Variants in SLIT2 observed in about 807,000 individuals in gnomAD.
SLIT2 encodes the protein slit homolog 2 protein.
A neutral mutation model predicts 185.7 loss-of-function variants in SLIT2; 41 were observed. That is an observed-to-expected ratio of 0.22 (90% CI 0.17 to 0.29). The LOEUF (loss-of-function observed/expected upper bound fraction) is 0.29. SLIT2 is among the 10% of genes least tolerant of loss of function. The probability of loss-of-function intolerance (pLI) is 1.00; values close to 1 mark genes in which losing one functional copy is unlikely to be tolerated. For synonymous variants in SLIT2, 693 were observed against 680.2 expected (o/e 1.02, Z -0.29); for missense variants, 1,571 against 1,909.0 (o/e 0.82, Z 3.30).
rs79679267 is a variant in SLIT2, at chr4:20,293,810, G to C, written c.395+24929G>C. On this transcript the variant is annotated intron_variant, in intron 4 of 36. Coordinates refer to ENST00000504154, the MANE Select transcript of SLIT2 (RefSeq NM_004787.4). ...TATGTGACTTGCCCAAGATTGCCTG[G>C]CCCGTGGAGAGAGAGCCTTCACTGT... Among the ~76,000 whole-genome samples, 27 of 152,274 alleles carry C rather than the reference G, an allele frequency of 1.8e-4. No individual in the cohort carries two copies. The East Asian group carries it at 3.3e-3, about 19-fold the overall frequency.
chr4:20,524,745 G>A (rs1305113028), intron 14 of SLIT2, among the ~76,000 whole-genome samples: 2 of 152,076 alleles, frequency 1.3e-5, no homozygotes, highest in Non-Finnish European at 2.9e-5. Flanking sequence ...TGGGAATATT[G>A]CATTTATTTG....
intron 25 of SLIT2, among the ~76,000 whole-genome samples, chr4:20,553,106 C>T (rs1225367765): frequency 6.6e-6 from 1 of 152,172 alleles, no homozygotes. Context: ...AGTGCAGGTC[C>T]AGCTCAGCTC....
intron 26 of SLIT2, among the ~76,000 whole-genome samples, chr4:20,564,127 C>T (rs1724907146): frequency 6.6e-6 from 1 of 151,714 alleles, no homozygotes; most frequent in African/African-American, 2.4e-5. Context: ...ATATTATCTC[C>T]TTATTGTATA....
chr4:20,327,440 G>A (rs1719687493), intron 4 of SLIT2, among the ~76,000 whole-genome samples: 1 of 151,906 alleles, frequency 6.6e-6, no homozygotes, highest in South Asian at 2.1e-4. Flanking sequence ...TTCCAAAAAA[G>A]TTATTTTAGA....
chr4:20,584,278 A>T (rs996438254), intron 29 of SLIT2, among the ~76,000 whole-genome samples: 1 of 152,226 alleles, frequency 6.6e-6, no homozygotes. Flanking sequence ...GCCATCCTAG[A>T]CAATAATACA....
intron 4 of SLIT2, among the ~76,000 whole-genome samples, chr4:20,285,372 C>A (rs965843714): frequency 6.6e-6 from 1 of 152,170 alleles, no homozygotes; most frequent in African/African-American, 2.4e-5. Flanking sequence ...TGCCTATGAT[C>A]TTGATTTACC....
intron 4 of SLIT2, among the ~76,000 whole-genome samples, chr4:20,433,341 A>G (rs949508166): frequency 6.6e-6 from 1 of 152,244 alleles, no homozygotes; most frequent in African/African-American, 2.4e-5. Context: ...CTTGTTAGAC[A>G]CAAAAGCAAT....
intron 4 of SLIT2, among the ~76,000 whole-genome samples, chr4:20,443,582 TAAAAAAAA>T (rs71653885): frequency 4.8e-5 from 3 of 63,060 alleles, no homozygotes; most frequent in East Asian, 6.3e-4. Context: ...GGAGAAAATC[TAAAAAAAA>T]AAAAAAAAAA....
chr4:20,617,405 T>G, intron 35 of SLIT2, 34 bp from the exon 36 acceptor site: 1 of 1,578,874 alleles, frequency 6.3e-7, no homozygotes, highest in South Asian at 1.1e-5. Context: ...CTCTTCTGAA[T>G]GCATTCCCAC....
At chr4:20,531,597 A>G (rs1721816495) in intron 16 of SLIT2, among the ~76,000 whole-genome samples, 1 of 152,174 alleles carries the variant, frequency 6.6e-6, no homozygotes, top group South Asian at 2.1e-4. Flanking sequence ...ATGTTCTGGC[A>G]TGTGGTTTGC....
intron 4 of SLIT2, among the ~76,000 whole-genome samples, chr4:20,394,019 G>T (rs1203111839): frequency 6.6e-6 from 1 of 151,996 alleles, no homozygotes; most frequent in East Asian, 1.9e-4. Context: ...GCTGGCCATG[G>T]TGGTATTTTA....
intron 5 of SLIT2, among the ~76,000 whole-genome samples, chr4:20,472,289 TATATAGATATATAGATCTATATATAG>T (rs1715216506): frequency 3.4e-5 from 1 of 29,364 alleles, no homozygotes; most frequent in African/African-American, 2.6e-4. Context: ...TATATATAGA[TATATAGATATATAGATCTATATATAG>T]ATATATATAT....
intron 4 of SLIT2, among the ~76,000 whole-genome samples, chr4:20,271,736 A>G (rs1433720521): frequency 3.3e-5 from 5 of 152,000 alleles, no homozygotes; most frequent in African/African-American, 1.2e-4. Flanking sequence ...TAGTTTATAC[A>G]CTGAAGTTTG....
chr4:20,507,638 G>A (rs534253137), intron 9 of SLIT2, among the ~76,000 whole-genome samples: 1 of 151,640 alleles, frequency 6.6e-6, no homozygotes, highest in East Asian at 1.9e-4. Context: ...TTTGTACAGA[G>A]TAGACATTAA....
intron 4 of SLIT2, among the ~76,000 whole-genome samples, chr4:20,273,569 A>G (rs979258231): frequency 6.6e-6 from 1 of 152,156 alleles, no homozygotes; most frequent in Non-Finnish European, 1.5e-5. Context: ...TTAAATTTAA[A>G]GGATAACTTG....
At chr4:20,448,388 C>T (rs1384464117) in intron 4 of SLIT2, among the ~76,000 whole-genome samples, 1 of 152,106 alleles carries the variant, frequency 6.6e-6, no homozygotes, top group South Asian at 2.1e-4. Context: ...GCAGCGCGAT[C>T]TTGGCTCACT....
chr4:20,341,565 G>A (rs193075580), intron 4 of SLIT2, among the ~76,000 whole-genome samples: 4 of 152,262 alleles, frequency 2.6e-5, no homozygotes, highest in Non-Finnish European at 4.4e-5. Flanking sequence ...ATCCATCTGC[G>A]AGTTAATCTA....
intron 4 of SLIT2, among the ~76,000 whole-genome samples, chr4:20,277,726 G>A (rs929820006): frequency 4.1e-5 from 6 of 146,274 alleles, no homozygotes; most frequent in African/African-American, 1.5e-4. Context: ...ACATCATGAT[G>A]AAAGATTTTC....
Position 20,617,215 on chromosome 4 carries a change from TG to T in SLIT2, c.4136+20del. The T allele has an allele frequency of 2.8e-6, 4 of 1,429,458 alleles. No individual in the cohort carries two copies. The highest frequency in any genetic ancestry group is 3.7e-6 in the Non-Finnish European group (4 of 1,071,606). The allele number at this position is 1,429,458 out of a possible 1,614,324, so 88.5% of individuals were successfully genotyped here. ...TGGAAATAAGTAAGTTCCTGCTGCT[TG>T]GGAGTTGAGCACACACCTGAAAGCC... On this transcript the variant is annotated intron_variant, in intron 35 of 36. Transcript: ENST00000504154.
Sources: gnomAD v4.1 joint callset for allele counts (sites outside exome capture counted in the v4.1 genomes callset) on GRCh38, gnomAD v4.1.1 for gene constraint, MANE v1.5 for transcripts, NCBI Gene and HGNC (gene_info 2026-07-23, HGNC 2026-07-21) for gene names.